The following DNAH12 variants were observed in gnomAD, a reference collection of about 807,000 sequenced individuals.
The protein encoded by DNAH12 is dynein axonemal heavy chain 12, also known as axonemal beta dynein heavy chain 12.
In DNAH12, 285 loss-of-function variants were observed where a neutral mutation model predicts 371.5. That is an observed-to-expected ratio of 0.77 (90% CI 0.70 to 0.85). The LOEUF is 0.85. Ranked by LOEUF, DNAH12 falls within the 40% of genes least tolerant of loss-of-function variation. The pLI, the probability that DNAH12 is intolerant of heterozygous loss-of-function variation, is 0.00. For synonymous variants in DNAH12, 1,200 were observed against 1,213.0 expected (o/e 0.99, Z 0.22); for missense variants, 3,611 against 3,689.4 (o/e 0.98, Z 0.55).
At chr3:57,480,957 A>T (rs2066721804) in intron 13 of DNAH12, among the ~76,000 whole-genome samples, 1 of 152,204 alleles carries the variant, frequency 6.6e-6, no homozygotes, top group South Asian at 2.1e-4. Flanking sequence ...ACCCACAGCC[A>T]ATATCATACT....
At chr3:57,434,836 AC>A (rs112351222) in intron 30 of DNAH12, among the ~76,000 whole-genome samples, 21,795 of 152,092 alleles carry the variant, frequency 0.14, 1,611 homozygotes, top group South Asian at 0.2. Context: ...TACTGGTTTC[AC>A]TTAAAAAAGA....
At chr3:57,350,148 GT>G (rs1422234726) in intron 60 of DNAH12, among the ~76,000 whole-genome samples, 4 of 152,092 alleles carry the variant, frequency 2.6e-5, no homozygotes, top group Admixed American at 2.0e-4. Flanking sequence ...AGTGTGGGGG[GT>G]GGAGAGGGAT....
chr3:57,403,875 G>T (rs1445701949), intron 42 of DNAH12, among the ~76,000 whole-genome samples: 8 of 152,030 alleles, frequency 5.3e-5, no homozygotes, highest in African/African-American at 1.9e-4. Context: ...TTCAGAAAAG[G>T]CACTTAGCTT....
intron 29 of DNAH12, among the ~76,000 whole-genome samples, 152 bp downstream of exon 29, chr3:57,444,545 C>A (rs1337256538): frequency 6.6e-6 from 1 of 152,034 alleles, no homozygotes; most frequent in Non-Finnish European, 1.5e-5. Context: ...ATGAAAGTAC[C>A]CAAATTTACT....
chr3:57,552,430 A>C, the DNAH12 span, among the ~76,000 whole-genome samples: 2 of 152,200 alleles, frequency 1.3e-5, no homozygotes, highest in South Asian at 2.1e-4. Flanking sequence ...TTACTGAAAA[A>C]GTTTTGGAAA....
intron 8 of DNAH12, among the ~76,000 whole-genome samples, chr3:57,504,783 A>G (rs780281475): frequency 7.2e-5 from 11 of 152,174 alleles, no homozygotes; most frequent in Non-Finnish European, 1.2e-4. Context: ...GGATGATTAA[A>G]TTATGTTTTG....
Position 57,324,719 on chromosome 3 carries a change from G to A in DNAH12, c.9979-1100C>T, listed in dbSNP as rs570553898. 1.8e-3 allele frequency among the ~76,000 whole-genome samples: 270 copies of A among 152,334 alleles called. 1 individual carries two copies. The highest frequency in any genetic ancestry group is 5.8e-3 in the African/African-American group (240 of 41,588). ...CACTAGGGAGTGCCAGACAGTGGGC[G>A]CAGGTCAGTGGGTGCAGCGCACCAT... On this transcript the variant is annotated intron_variant, in intron 62 of 73. Transcript: ENST00000495027.
intron 23 of DNAH12, among the ~76,000 whole-genome samples, 170 bp from the exon 24 acceptor site, chr3:57,453,573 A>C (rs567788054): frequency 3.3e-5 from 5 of 152,196 alleles, no homozygotes; most frequent in Non-Finnish European, 4.4e-5. Context: ...TAGGAGGTTA[A>C]GATGGGAGGA....
At chr3:57,428,956 TC>T in intron 33 of DNAH12, 135 bp from the exon 34 acceptor site, 1 of 829,862 alleles carries the variant, frequency 1.2e-6, no homozygotes, top group South Asian at 2.3e-5. Flanking sequence ...CTTCACACAG[TC>T]TAGACGTTCC....
At chr3:57,488,423 A>G (rs1320346008) in intron 12 of DNAH12, among the ~76,000 whole-genome samples, 2 of 151,954 alleles carry the variant, frequency 1.3e-5, no homozygotes, top group Admixed American at 1.3e-4. Flanking sequence ...CGAACTCCTG[A>G]CCTCGTGATT....
At position 57,433,809 on chromosome 3, in the gene DNAH12, G is replaced by T. The variant is rs551037520; in HGVS notation, c.4675C>A (p.Pro1559Thr). ...AGAACTTTTGTCTTAGCAGCAAAAGGCTCTCCTACTAACATAAAACTATGA... is the reference window on the plus strand; with the variant it reads ...AGAACTTTTGTCTTAGCAGCAAAAGTCTCTCCTACTAACATAAAACTATGA... The part of the protein sequence containing the change: ...VRHGFMLVGE[P>T]FAAKTKVLHV... The change falls in exon 31 of 74, where the codon CCT becomes ACT. Residue 1559 changes from proline (P) to threonine (T), a missense_variant. Around this residue, in one of 3 missense-constraint regions of DNAH12, gnomAD observed 2,266 missense variants for 2,236.9 expected, o/e 1.01. Coordinates refer to ENST00000495027, the MANE Select transcript of DNAH12 (RefSeq NM_001366028.2). The T allele has an allele frequency of 3.3e-5, 51 of 1,543,514 alleles. No homozygotes were observed. The South Asian group carries it at 5.8e-4, about 17-fold the overall frequency.
At chr3:57,387,030 T>TG (rs2063511082) in intron 46 of DNAH12, 56 bp downstream of exon 46, 1 of 152,202 alleles carries the variant, frequency 6.6e-6, no homozygotes, top group African/African-American at 2.4e-5. Context: ...TGAATTAATT[T>TG]GGAAATGGCC....
intron 60 of DNAH12, among the ~76,000 whole-genome samples, chr3:57,338,299 C>T (rs530464448): frequency 4.4e-4 from 67 of 152,354 alleles, no homozygotes; most frequent in African/African-American, 1.4e-3. Context: ...GACGGAGTCT[C>T]GGTCACTTAG....
intron 39 of DNAH12, among the ~76,000 whole-genome samples, chr3:57,411,188 AC>A (rs373282602): frequency 1.1e-3 from 160 of 152,236 alleles, no homozygotes; most frequent in African/African-American, 3.7e-3. Flanking sequence ...AAATTCAATC[AC>A]CTTTTTACAT....
At chr3:57,497,199 T>C (rs1559721681) in intron 11 of DNAH12, among the ~76,000 whole-genome samples, 1 of 152,330 alleles carries the variant, frequency 6.6e-6, no homozygotes, top group East Asian at 1.9e-4. Context: ...AATGGAATCC[T>C]AACCAAAATC....
At chr3:57,552,411 G>T in the DNAH12 span, among the ~76,000 whole-genome samples, 119 of 152,206 alleles carry the variant, frequency 7.8e-4, 1 homozygote, top group African/African-American at 2.7e-3. Flanking sequence ...ATGACTTTAA[G>T]ATTTTAAATT....
intron 29 of DNAH12, among the ~76,000 whole-genome samples, chr3:57,443,550 A>G (rs1258573782): frequency 2.0e-5 from 3 of 152,086 alleles, no homozygotes; most frequent in African/African-American, 7.2e-5. Context: ...TATTTTTGTT[A>G]TTTTAAATTT....
intron 55 of DNAH12, among the ~76,000 whole-genome samples, chr3:57,368,646 T>C (rs1345714625): frequency 6.6e-6 from 1 of 152,194 alleles, no homozygotes; most frequent in Non-Finnish European, 1.5e-5. Flanking sequence ...AAATATTTGA[T>C]AAACATTTAA....
At chr3:57,428,513 G>A (rs769221880) in intron 34 of DNAH12, 120 bp downstream of exon 34, 117 of 1,525,732 alleles carry the variant, frequency 7.7e-5, no homozygotes, top group Admixed American at 2.6e-4. Context: ...ACGGTGGATA[G>A]TAAATGCATA....
Sources: gnomAD v4.1 joint callset for allele counts (sites outside exome capture counted in the v4.1 genomes callset) on GRCh38, gnomAD v4.1.1 for gene constraint, gnomAD v4.1.1 regional missense constraint, MANE v1.5 for transcripts, NCBI Gene and HGNC (gene_info 2026-07-23, HGNC 2026-07-21) for gene names.